NTM: variants seen among roughly 807,000 people sequenced by gnomAD.
NTM encodes the protein IgLON family member 2.
Under a neutral mutation model 42.1 loss-of-function variants are expected in NTM, and 13 were observed. The ratio of observed to expected loss-of-function variants is 0.31; its 90% CI spans 0.20 to 0.49. The LOEUF (loss-of-function observed/expected upper bound fraction) is 0.49, where lower values mean the gene tolerates loss of function less well. Among genes scored for constraint, NTM ranks in the 20% least tolerant of loss-of-function variants. The probability of loss-of-function intolerance (pLI) is 0.99; values close to 1 mark genes in which losing one functional copy is unlikely to be tolerated. For missense variants in NTM, 373 were observed against 452.8 expected, an observed-to-expected ratio of 0.82 and a Z score of 1.60; for synonymous variants, 187 against 179.2, an observed-to-expected ratio of 1.04 and a Z score of -0.35.
intron 2 of NTM, among the ~76,000 whole-genome samples, chr11:131,940,932 G>T (rs1335599161): frequency 6.6e-6 from 1 of 152,152 alleles, no homozygotes; most frequent in African/African-American, 2.4e-5. Flanking sequence ...TCTTAATACG[G>T]GTGCAAATGA....
At chr11:131,501,737 C>G (rs1200969596) in intron 1 of NTM, among the ~76,000 whole-genome samples, 1 of 152,114 alleles carries the variant, frequency 6.6e-6, no homozygotes, top group African/African-American at 2.4e-5. Context: ...GCATTTGTTG[C>G]AGAGTTGGAT....
intron 1 of NTM, among the ~76,000 whole-genome samples, chr11:131,499,554 C>T (rs1591838239): frequency 1.3e-5 from 2 of 152,224 alleles, no homozygotes; most frequent in African/African-American, 4.8e-5. Context: ...TGTAAAAACA[C>T]AAATCGGATC....
intron 1 of NTM, among the ~76,000 whole-genome samples, chr11:131,533,460 G>T (rs75660337): frequency 0.011 from 1,665 of 152,248 alleles, 31 homozygotes; most frequent in African/African-American, 0.038. Context: ...TCACTGAAAT[G>T]GGGGGCCTGG....
chr11:132,121,177 T>C (rs959416553), intron 2 of NTM, among the ~76,000 whole-genome samples: 3 of 152,130 alleles, frequency 2.0e-5, no homozygotes, highest in Non-Finnish European at 4.4e-5. Flanking sequence ...CAATTCATCT[T>C]AATCACTAAA....
intron 2 of NTM, among the ~76,000 whole-genome samples, chr11:131,960,921 A>C (rs1037542840): frequency 1.3e-5 from 2 of 152,188 alleles, no homozygotes; most frequent in Non-Finnish European, 2.9e-5. Context: ...ATTCACAGAG[A>C]TGCGTCATGC....
chr11:131,655,050 G>T (rs944186961), intron 1 of NTM, among the ~76,000 whole-genome samples: 1 of 152,140 alleles, frequency 6.6e-6, no homozygotes, highest in African/African-American at 2.4e-5. Flanking sequence ...CCGCCACTCC[G>T]CCGGTCCTCG....
intron 2 of NTM, among the ~76,000 whole-genome samples, chr11:132,100,637 A>C (rs1202973095): frequency 6.6e-6 from 1 of 152,240 alleles, no homozygotes; most frequent in African/African-American, 2.4e-5. Flanking sequence ...TCACAGAAGC[A>C]CAACTTTCTA....
chr11:132,081,840 G>A (rs2059105834), intron 2 of NTM, among the ~76,000 whole-genome samples: 1 of 151,034 alleles, frequency 6.6e-6, no homozygotes, highest in Admixed American at 6.6e-5. Flanking sequence ...GTGGCAGGAG[G>A]ATCACTTGAG....
intron 1 of NTM, among the ~76,000 whole-genome samples, chr11:131,816,844 T>C: frequency 6.0e-5 from 1 of 16,638 alleles, no homozygotes; most frequent in South Asian, 2.8e-3. Flanking sequence ...ATACTTAGCA[T>C]AGCCTAAAAC....
Position 131,394,721 on chromosome 11 carries a change from T to A in NTM, c.82+23833T>A, listed in dbSNP as rs766106088. On this transcript the variant is annotated intron_variant, in intron 1 of 8. Transcript: ENST00000683400. ...GGTGTCCTCATTATCTGAACATCCA[T>A]CTACTGAGAGGCCCTGCAGAACTCA... Among the ~76,000 whole-genome samples, 43 of 152,132 alleles carry A rather than the reference T, an allele frequency of 2.8e-4. 1 individual carries two copies. Among genetic ancestry groups the A allele is most frequent in the Non-Finnish European group, 5.1e-4 (35 of 68,036 alleles).
intron 1 of NTM, among the ~76,000 whole-genome samples, chr11:131,891,551 C>T (rs541841307): frequency 1.3e-5 from 2 of 152,278 alleles, no homozygotes; most frequent in African/African-American, 4.8e-5. Flanking sequence ...CCATGACATC[C>T]TGAGCAAGCA....
chr11:132,323,492 T>G (rs918773784), intron 7 of NTM, among the ~76,000 whole-genome samples: 31 of 151,516 alleles, frequency 2.0e-4, no homozygotes, highest in South Asian at 4.2e-4. Context: ...GTTGAATCTC[T>G]GAATAGACCA....
intron 1 of NTM, among the ~76,000 whole-genome samples, chr11:131,666,336 G>T (rs770486217): frequency 5.3e-5 from 8 of 152,170 alleles, no homozygotes; most frequent in Non-Finnish European, 1.0e-4. Flanking sequence ...TTGCCAGAGG[G>T]TTCCTTTATT....
chr11:131,896,882 C>G (rs507147), intron 1 of NTM: 40,699 of 151,774 alleles, frequency 0.27, 6,551 homozygotes, highest in African/African-American at 0.46. Flanking sequence ...TGGAGATGGG[C>G]TTTCACTGTG....
intron 2 of NTM, among the ~76,000 whole-genome samples, chr11:131,942,912 C>T (rs1481495389): frequency 6.6e-6 from 1 of 150,456 alleles, no homozygotes. Flanking sequence ...GGCCACCGCA[C>T]TCCAGTCGGG....
At chr11:131,843,036 T>C (rs2044467124) in intron 1 of NTM, among the ~76,000 whole-genome samples, 2 of 151,808 alleles carry the variant, frequency 1.3e-5, no homozygotes, top group South Asian at 4.2e-4. Flanking sequence ...AATAAATAAA[T>C]ATAAAATGAA....
At chr11:131,900,957 T>A (rs1238162640) in intron 1 of NTM, among the ~76,000 whole-genome samples, 1 of 152,196 alleles carries the variant, frequency 6.6e-6, no homozygotes, top group Non-Finnish European at 1.5e-5. Flanking sequence ...CAGAAAGCAA[T>A]CTATAGTATC....
At chr11:131,751,971 A>G (rs2082615549) in intron 1 of NTM, among the ~76,000 whole-genome samples, 1 of 152,178 alleles carries the variant, frequency 6.6e-6, no homozygotes, top group Non-Finnish European at 1.5e-5. Context: ...AAATTGCTTC[A>G]TAAATGCAGA....
chr11:131,437,654 C>A (rs557130696), intron 1 of NTM, among the ~76,000 whole-genome samples: 1 of 152,242 alleles, frequency 6.6e-6, no homozygotes, highest in East Asian at 1.9e-4. Context: ...CTTCCTCCAT[C>A]CCTTAATTTT....
Sources: gnomAD v4.1 joint callset for allele counts (sites outside exome capture counted in the v4.1 genomes callset) on GRCh38, gnomAD v4.1.1 for gene constraint, MANE v1.5 for transcripts, NCBI Gene and HGNC (gene_info 2026-07-23, HGNC 2026-07-21) for gene names.